Variants in ALAD observed in about 807,000 individuals in gnomAD.
ALAD encodes delta-aminolevulinic acid dehydratase.
A neutral mutation model predicts 44.4 loss-of-function variants in ALAD; 20 were observed. That is an observed-to-expected ratio of 0.45 (90% CI 0.32 to 0.65). The LOEUF (loss-of-function observed/expected upper bound fraction) is 0.65, where lower values mean the gene tolerates loss of function less well. Ranked by LOEUF, ALAD falls within the 30% of genes least tolerant of loss-of-function variation. The pLI, the probability that ALAD is intolerant of heterozygous loss-of-function variation, is 0.05. For synonymous variants in ALAD, 156 were observed against 167.9 expected, an observed-to-expected ratio of 0.93 and a Z score of 0.55; for missense variants, 323 against 445.7, an observed-to-expected ratio of 0.72 and a Z score of 2.48.
intron 11 of ALAD, among the ~76,000 whole-genome samples, chr9:113,388,659 A>G (rs1262892731): frequency 6.6e-6 from 1 of 152,134 alleles, no homozygotes; most frequent in Non-Finnish European, 1.5e-5. Flanking sequence ...TTATGGAGTG[A>G]TATTACTTCA....
intron 1 of ALAD, chr9:113,397,940 C>A (rs818686): frequency 0.19 from 28,487 of 152,090 alleles, 2,908 homozygotes; most frequent in African/African-American, 0.25. Context: ...AATATTTTTG[C>A]ATATTGAGAG....
intron 1 of ALAD, chr9:113,396,899 C>G (rs978939866): frequency 7.2e-5 from 11 of 152,486 alleles, no homozygotes; most frequent in African/African-American, 2.7e-4. Flanking sequence ...TTAGACACTT[C>G]CTTTTGGAGG....
At chr9:113,391,974 C>A (rs979532463) in intron 3 of ALAD, 145 bp downstream of exon 3, 16 of 862,464 alleles carry the variant, frequency 1.9e-5, no homozygotes, top group South Asian at 1.5e-4. Flanking sequence ...ACAGCTCTGG[C>A]CCCGGGGAAA....
Position 113,391,569 on chromosome 9 carries a change from T to C in ALAD, c.219A>G (p.Leu73=), listed in dbSNP as rs371476277. The C allele has an allele frequency of 1.6e-5, 26 of 1,614,032 alleles. No individual in the cohort carries two copies. The African/African-American group carries it at 3.1e-4, about 19-fold the overall frequency. ...GGACGCCAAAGATCAAGACACAGCG[T>C]AGGCCCTCTTCCACCAAGGGCCTCA... ...EMLRPLVEEG[L]RCVLIFGVPS... is the part of the protein sequence containing the mutation. The change falls in exon 4 of 12, where the codon CTA becomes CTG. Residue 73 remains leucine, a synonymous_variant. Coordinates refer to ENST00000409155, the MANE Select transcript of ALAD (RefSeq NM_000031.6).
In ALAD at chr9:113,389,456, C is replaced by T; in HGVS notation, c.783G>A (p.Val261=). The T allele has an allele frequency of 6.2e-7, 1 of 1,613,754 alleles. No individual in the cohort carries two copies. Among genetic ancestry groups the T allele is most frequent in the Non-Finnish European group, 8.5e-7 (1 of 1,180,038 alleles). The stretch of plus-strand genomic sequence containing the variant: ...TGCTCACCTTGTCCTTTACCTCCCG[C>T]ACGATGTCCAGGTAGGGCATTCCCG... ...VKPGMPYLDI[V]REVKDKHPDL... Residue 261 remains valine, a synonymous_variant, in exon 10 of 12, where the codon GTG becomes GTA. Transcript: ENST00000409155.
intron 2 of ALAD, chr9:113,393,174 C>T: frequency 5.9e-6 from 3 of 505,844 alleles, no homozygotes; most frequent in Non-Finnish European, 1.1e-5. Flanking sequence ...AGAGCACCTT[C>T]TCAGCTTCTG....
chr9:113,392,218 G>A, intron 2 of ALAD, 49 bp from the exon 3 acceptor site: 1 of 1,613,606 alleles, frequency 6.2e-7, no homozygotes, highest in Non-Finnish European at 8.5e-7. Flanking sequence ...GGAAGGGCCA[G>A]TGGTGCGGGG....
chr9:113,394,070 C>A (rs1187257316), intron 1 of ALAD, among the ~76,000 whole-genome samples: 2 of 151,358 alleles, frequency 1.3e-5, no homozygotes, highest in African/African-American at 4.8e-5. Context: ...TCCCAAGTAG[C>A]TGGGACTGCA....
chr9:113,389,187 C>G (rs1564368772), intron 10 of ALAD, 81 bp from the exon 11 acceptor site: 2 of 1,577,338 alleles, frequency 1.3e-6, no homozygotes, highest in African/African-American at 2.7e-5. Context: ...CCTGCTCAAT[C>G]TGTGACCATC....
intron 7 of ALAD, 54 bp from the exon 8 acceptor site, chr9:113,389,882 G>T: frequency 6.2e-7 from 1 of 1,605,716 alleles, no homozygotes; most frequent in South Asian, 1.1e-5. Context: ...AGGTATCCCA[G>T]GGTGATGTGG....
chr9:113,395,807 C>T (rs1033182335), intron 1 of ALAD, among the ~76,000 whole-genome samples: 16 of 152,202 alleles, frequency 1.1e-4, no homozygotes, highest in African/African-American at 3.9e-4. Context: ...CCTGTAACCC[C>T]AGCACTTTGG....
At chr9:113,388,921 G>A (rs1827482636) in intron 11 of ALAD, 56 bp downstream of exon 11, 11 of 1,613,132 alleles carry the variant, frequency 6.8e-6, no homozygotes, top group Non-Finnish European at 9.3e-6. Flanking sequence ...AATCTAGGCA[G>A]AGTGCTTATC....
In ALAD at chr9:113,393,371, G is replaced by A. The variant is rs577288548; in HGVS notation, c.113+76C>T. 2.5e-5 allele frequency: 35 copies of A among 1,375,860 alleles called. No individual in the cohort carries two copies. The Admixed American group carries it at 4.2e-4, about 16-fold the overall frequency. The allele number at this position is 1,375,860 out of a possible 1,614,324, so 85.2% of individuals were successfully genotyped here. The stretch of plus-strand genomic sequence containing the variant: ...GCCACCCCCAGCCATACTGATGCCC[G>A]CTCCAGTCAACACTCCCTCCCCAAC... On this transcript the variant is annotated intron_variant, in intron 2 of 11. Transcript: ENST00000409155.
intron 1 of ALAD, 84 bp from the exon 2 acceptor site, chr9:113,393,718 C>T (rs1827659023): frequency 3.2e-6 from 2 of 630,984 alleles, no homozygotes; most frequent in Admixed American, 5.0e-5. Context: ...CTTCTAGATT[C>T]CTGCCTCCCC....
chr9:113,392,257 G>A (rs1263469414), intron 2 of ALAD, 88 bp from the exon 3 acceptor site: 1 of 1,606,964 alleles, frequency 6.2e-7, no homozygotes, highest in South Asian at 1.1e-5. Flanking sequence ...TGGGAAGCAG[G>A]AAAGAAATAT....
At chr9:113,399,551 G>A (rs1012738373) in intron 1 of ALAD, among the ~76,000 whole-genome samples, 1 of 152,190 alleles carries the variant, frequency 6.6e-6, no homozygotes, top group African/African-American at 2.4e-5. Flanking sequence ...GAGGGACTGT[G>A]TCTCTGAGTC....
Position 113,388,475 on chromosome 9 carries a change from T to C in ALAD, c.932-114A>G. 5.2e-6 allele frequency: 5 copies of C among 959,218 alleles called. No individual in the cohort carries two copies. The East Asian group carries it at 1.2e-4, about 23-fold the overall frequency. 59.4% of individuals were successfully genotyped at this position (959,218 alleles called of 1,614,324 possible). ...AAGGCTACCATGAAGAAGCACAGCC[T>C]GTGGGCACACCACATGAGACGGAGC... On this transcript the variant is annotated intron_variant, in intron 11 of 11. Coordinates refer to ENST00000409155, the MANE Select transcript of ALAD (RefSeq NM_000031.6).
chr9:113,388,133 G>T lies in ALAD; in HGVS notation c.*167C>A. On this transcript the variant is annotated 3_prime_UTR_variant, in exon 12 of 12. Transcript: ENST00000409155. The stretch of plus-strand genomic sequence containing the variant: ...TAGGATGCAGCTGCGAGTTACAAGA[G>T]TTAGCATGCTGGCAAAACCACCCAG... 1 of 716,400 alleles carries T rather than the reference G, an allele frequency of 1.4e-6. No homozygotes were observed. The highest frequency in any genetic ancestry group is 2.5e-6 in the Non-Finnish European group (1 of 402,150). The allele number at this position is 716,400 out of a possible 1,614,324, so 44.4% of individuals were successfully genotyped here.
chr9:113,390,178 C>T (rs1414499683), intron 7 of ALAD, among the ~76,000 whole-genome samples: 3 of 152,280 alleles, frequency 2.0e-5, no homozygotes, highest in Middle Eastern at 3.4e-3. Flanking sequence ...CCTGCCACCA[C>T]GCCCAGCTAA....
Sources: allele counts gnomAD v4.1 joint callset (sites outside exome capture counted in the v4.1 genomes callset), GRCh38; gene constraint gnomAD v4.1.1; transcripts MANE v1.5; gene names NCBI Gene and HGNC (gene_info 2026-07-23, HGNC 2026-07-21).